Variants in PARD3 observed in about 807,000 individuals in gnomAD.
The protein encoded by PARD3 is partitioning defective 3 homolog.
A neutral mutation model predicts 155.4 loss-of-function variants in PARD3; 75 were observed. The observed-to-expected ratio is 0.48, with a 90% CI of 0.40 to 0.58. PARD3 has a LOEUF of 0.58. Ranked by LOEUF, PARD3 falls within the 20% of genes least tolerant of loss-of-function variation. The probability of loss-of-function intolerance (pLI) is 0.00; values close to 1 mark genes in which losing one functional copy is unlikely to be tolerated. For synonymous variants in PARD3, 576 were observed against 610.5 expected (o/e 0.94, Z 0.83); for missense variants, 1,642 against 1,721.7 (o/e 0.95, Z 0.82).
At chr10:34,161,450 G>A (rs1949275290) in intron 22 of PARD3, among the ~76,000 whole-genome samples, 1 of 152,060 alleles carries the variant, frequency 6.6e-6, no homozygotes, top group South Asian at 2.1e-4. Flanking sequence ...TCACAGATCA[G>A]CTTCTTAATT....
intron 2 of PARD3, among the ~76,000 whole-genome samples, chr10:34,580,996 G>C (rs1458914666): frequency 6.6e-6 from 1 of 152,144 alleles, no homozygotes; most frequent in Non-Finnish European, 1.5e-5. Flanking sequence ...ATCAGTGTGT[G>C]AAGTGATATT....
intron 20 of PARD3, among the ~76,000 whole-genome samples, chr10:34,287,973 G>A (rs1956481535): frequency 6.6e-6 from 1 of 152,200 alleles, no homozygotes; most frequent in African/African-American, 2.4e-5. Flanking sequence ...CATTTTGGGA[G>A]GTCGCCGTGG....
At chr10:34,537,427 GA>G (rs2083301068) in intron 2 of PARD3, among the ~76,000 whole-genome samples, 1 of 152,220 alleles carries the variant, frequency 6.6e-6, no homozygotes. Flanking sequence ...CAATGACACA[GA>G]AGGAAATAAG....
At chr10:34,796,123 A>C (rs1002436793) in intron 1 of PARD3, among the ~76,000 whole-genome samples, 1 of 152,150 alleles carries the variant, frequency 6.6e-6, no homozygotes, top group Non-Finnish European at 1.5e-5. Context: ...GCTAATGTCA[A>C]CTCATCATGT....
chr10:34,385,848 G>A (rs1842296917), intron 7 of PARD3, among the ~76,000 whole-genome samples: 1 of 152,190 alleles, frequency 6.6e-6, no homozygotes, highest in African/African-American at 2.4e-5. Context: ...CACTGAACTA[G>A]TAGTAAGGTC....
At chr10:34,339,874 T>C (rs1240399939) in intron 16 of PARD3, among the ~76,000 whole-genome samples, 2 of 152,158 alleles carry the variant, frequency 1.3e-5, no homozygotes, top group Non-Finnish European at 2.9e-5. Flanking sequence ...ATTTAACAAG[T>C]TAGATGGCAG....
chr10:34,291,181 A>C (rs977778077), intron 20 of PARD3, among the ~76,000 whole-genome samples: 2 of 152,138 alleles, frequency 1.3e-5, no homozygotes, highest in Non-Finnish European at 2.9e-5. Context: ...TATTCAAAGG[A>C]AAAAAAATCT....
rs189687910 is a variant in PARD3, at chr10:34,416,843, C to T, written c.715-14926G>A. On this transcript the variant is annotated intron_variant, in intron 5 of 24. Coordinates refer to ENST00000374788, the MANE Select transcript of PARD3 (RefSeq NM_001184785.2). ...AACTGTAATGGCCAGATTGAAATGT[C>T]TTTGCAAAATTGTAACAATAGGAAT... Among the ~76,000 whole-genome samples the T allele has an allele frequency of 1.3e-3, 193 of 152,328 alleles. 1 individual carries two copies. The highest frequency in any genetic ancestry group is 4.5e-3 in the African/African-American group (186 of 41,574).
At chr10:34,666,777 T>TAAAA (rs771593408) in intron 2 of PARD3, among the ~76,000 whole-genome samples, 6 of 17,052 alleles carry the variant, frequency 3.5e-4, no homozygotes, top group African/African-American at 5.7e-4. Flanking sequence ...CCCCTCCCCC[T>TAAAA]AAAAAAAAAA....
At chr10:34,498,954 C>A (rs1186226434) in intron 3 of PARD3, among the ~76,000 whole-genome samples, 1 of 152,102 alleles carries the variant, frequency 6.6e-6, no homozygotes, top group Non-Finnish European at 1.5e-5. Context: ...GAAGTAATAG[C>A]CCTGACTCTT....
At chr10:34,346,453 T>C (rs747133641) in intron 15 of PARD3, 1 of 1,349,018 alleles carries the variant, frequency 7.4e-7, no homozygotes, top group South Asian at 1.2e-5. Flanking sequence ...TATGTTCCTA[T>C]AATAAAGGGG....
chr10:34,803,664 G>A (rs1340294368), intron 1 of PARD3, among the ~76,000 whole-genome samples: 6 of 152,008 alleles, frequency 3.9e-5, no homozygotes, highest in Non-Finnish European at 8.8e-5. Context: ...TTAGCCAGGT[G>A]TGGTGGCTGG....
At chr10:34,272,309 G>C (rs1015955876) in intron 21 of PARD3, among the ~76,000 whole-genome samples, 1 of 152,120 alleles carries the variant, frequency 6.6e-6, no homozygotes, top group East Asian at 1.9e-4. Context: ...TATATACATT[G>C]AACATCATCA....
At chr10:34,693,983 G>A (rs2094116878) in intron 2 of PARD3, among the ~76,000 whole-genome samples, 1 of 152,152 alleles carries the variant, frequency 6.6e-6, no homozygotes, top group Non-Finnish European at 1.5e-5. Flanking sequence ...AAAGGGAAGA[G>A]TCAGGATGAA....
At chr10:34,542,485 A>G (rs890223977) in intron 2 of PARD3, among the ~76,000 whole-genome samples, 2 of 152,156 alleles carry the variant, frequency 1.3e-5, no homozygotes, top group African/African-American at 4.8e-5. Context: ...CCAGTCCAAA[A>G]TGTCATTTAT....
intron 22 of PARD3, among the ~76,000 whole-genome samples, chr10:34,246,490 G>T (rs1953958020): frequency 6.6e-6 from 1 of 152,092 alleles, no homozygotes; most frequent in Admixed American, 6.5e-5. Flanking sequence ...CCTGAGTTGA[G>T]GGGACAGAAT....
intron 4 of PARD3, among the ~76,000 whole-genome samples, chr10:34,455,293 C>T (rs2077274652): frequency 1.3e-5 from 2 of 152,140 alleles, no homozygotes; most frequent in Admixed American, 1.3e-4. Context: ...AACCTCTATG[C>T]ATCATATGGT....
At chr10:34,436,911 T>A (rs1451828937) in intron 5 of PARD3, among the ~76,000 whole-genome samples, 3 of 151,994 alleles carry the variant, frequency 2.0e-5, no homozygotes, top group African/African-American at 7.3e-5. Context: ...CATGGTACCA[T>A]TTGAAAGGAG....
chr10:34,463,706 T>C (rs964290324), intron 4 of PARD3, among the ~76,000 whole-genome samples: 2 of 152,146 alleles, frequency 1.3e-5, no homozygotes, highest in African/African-American at 4.8e-5. Flanking sequence ...AAAAAAAACA[T>C]TATACAGTCA....
Sources: allele counts gnomAD v4.1 joint callset (sites outside exome capture counted in the v4.1 genomes callset), GRCh38; gene constraint gnomAD v4.1.1; transcripts MANE v1.5; gene names NCBI Gene and HGNC (gene_info 2026-07-23, HGNC 2026-07-21).